HERC1: variants seen among roughly 807,000 people sequenced by gnomAD.
HERC1 encodes the protein HECT and RLD domain containing E3 ubiquitin protein ligase family member 1.
Under a neutral mutation model 554.3 loss-of-function variants are expected in HERC1, and 160 were observed. That is an observed-to-expected ratio of 0.29 (90% CI 0.25 to 0.33). The LOEUF (loss-of-function observed/expected upper bound fraction) is 0.33. Among genes scored for constraint, HERC1 ranks in the 10% least tolerant of loss-of-function variants. HERC1 has a pLI of 1.00. For synonymous variants in HERC1, 2,175 were observed against 2,131.7 expected (o/e 1.02, Z -0.56); for missense variants, 4,919 against 5,918.5 (o/e 0.83, Z 5.54).
In HERC1 at chr15:63,640,314, G is replaced by A; in HGVS notation, c.11739C>T (p.Leu3913=). ...TTGGATTCCAGGATGCAGGGTCAGGGAGACAGTTCTGGTGGTGTGGTGGCA... is the reference window on the plus strand; with the variant it reads ...TTGGATTCCAGGATGCAGGGTCAGGAAGACAGTTCTGGTGGTGTGGTGGCA... ...PPVPPHHQNC[L]PDPASWNPNE... The change falls in exon 61 of 78, where the codon CTC becomes CTT. Residue 3913 remains leucine, a synonymous_variant. Transcript: ENST00000443617. 5 of 1,613,576 alleles carry A rather than the reference G, an allele frequency of 3.1e-6. No individual in the cohort carries two copies. The highest frequency in any genetic ancestry group is 4.2e-6 in the Non-Finnish European group (5 of 1,179,756).
At chr15:63,731,898 A>AG (rs1166142527) in intron 14 of HERC1, among the ~76,000 whole-genome samples, 1 of 152,214 alleles carries the variant, frequency 6.6e-6, no homozygotes, top group Non-Finnish European at 1.5e-5. Context: ...AGATTGGTAG[A>AG]GAAAAACAAC....
intron 67 of HERC1, 96 bp downstream of exon 67, chr15:63,633,743 CTACCAAAAG>C: frequency 8.3e-7 from 1 of 1,206,810 alleles, no homozygotes; most frequent in South Asian, 1.7e-5. Context: ...TCATTATGAA[CTACCAAAAG>C]TACTAAAGGT....
At chr15:63,711,928 C>G (rs376723494) in intron 24 of HERC1, among the ~76,000 whole-genome samples, 9 of 152,282 alleles carry the variant, frequency 5.9e-5, no homozygotes, top group African/African-American at 2.2e-4. Flanking sequence ...ACCTAGCTAC[C>G]AATTAACTCC....
At chr15:63,617,785 C>T (rs1234393350) in intron 74 of HERC1, among the ~76,000 whole-genome samples, 1 of 152,060 alleles carries the variant, frequency 6.6e-6, no homozygotes, top group Non-Finnish European at 1.5e-5. Context: ...TTTCATGTGT[C>T]TTTTGGCTGC....
chr15:63,652,323 A>T, intron 52 of HERC1, 91 bp downstream of exon 52: 2 of 1,205,448 alleles, frequency 1.7e-6, no homozygotes, highest in East Asian at 2.8e-5. Context: ...AAAAAATTTT[A>T]GTGACAATAT....
rs535476112 is a variant in HERC1 at position 63,816,325 on chromosome 15, G to C, written c.-27+17502C>G. 2.0e-5 allele frequency among the ~76,000 whole-genome samples: 3 copies of C among 152,284 alleles called. No homozygotes were observed. In the East Asian group the frequency reaches 5.8e-4, roughly 29 times the overall value. ...GACTCCAGAGCCCTTTTGTCAAGGA[G>C]CCACATTGGGAAATGCTGCTGCTCC... On this transcript the variant is annotated intron_variant, in intron 1 of 77. Coordinates refer to ENST00000443617, the MANE Select transcript of HERC1 (RefSeq NM_003922.4).
At chr15:63,625,933 ACTGCTTACCAAGCCAGTCTGTGCCTGG>A (rs769386386) in intron 71 of HERC1, 25 bp downstream of exon 71, 4 of 1,558,872 alleles carry the variant, frequency 2.6e-6, no homozygotes, top group Admixed American at 1.9e-5. Context: ...TGTCACGGGC[ACTGCTTACCAAGCCAGTCTGTGCCTGG>A]CTGCTTACCA....
intron 34 of HERC1, among the ~76,000 whole-genome samples, chr15:63,684,279 A>G (rs2071630043): frequency 6.6e-6 from 1 of 152,238 alleles, no homozygotes; most frequent in Non-Finnish European, 1.5e-5. Flanking sequence ...AACAAGACAC[A>G]CCAATAAAGC....
At chr15:63,833,753 G>GCGCACACACACACACACACACACACACA (rs1340096449) in intron 1 of HERC1, 74 bp downstream of exon 1, 8 of 46,452 alleles carry the variant, frequency 1.7e-4, no homozygotes, top group African/African-American at 3.4e-4. Flanking sequence ...ACGCGCGCGC[G>GCGCACACACACACACACACACACACACA]CACACACACA....
chr15:63,698,647 G>T (rs1045382769), intron 26 of HERC1, 81 bp downstream of exon 26: 2 of 1,366,976 alleles, frequency 1.5e-6, no homozygotes, highest in African/African-American at 1.5e-5. Context: ...GAAAAGGAAA[G>T]GTTTTCCCTA....
At chr15:63,673,469 T>C (rs1316927708) in intron 38 of HERC1, among the ~76,000 whole-genome samples, 1 of 152,070 alleles carries the variant, frequency 6.6e-6, no homozygotes. Flanking sequence ...CAATATAAAC[T>C]CCATGAAGGC....
At chr15:63,693,351 C>G (rs892889937) in intron 30 of HERC1, among the ~76,000 whole-genome samples, 9 of 150,898 alleles carry the variant, frequency 6.0e-5, no homozygotes, top group Non-Finnish European at 1.3e-4. Flanking sequence ...TCAAGTGATT[C>G]TTGTGCTTTA....
At chr15:63,811,112 G>GA (rs1220822624) in intron 1 of HERC1, among the ~76,000 whole-genome samples, 1 of 151,820 alleles carries the variant, frequency 6.6e-6, no homozygotes, top group Non-Finnish European at 1.5e-5. Flanking sequence ...TCCTGGACCC[G>GA]AAAAAAACAA....
rs370056180 is a variant in HERC1, at chr15:63,675,116, A to C, written c.7072T>G (p.Phe2358Val). ...TCACTAGGCGACCAAAAAGTTGGGA[A>C]GCTTTAATAAAGATCAGAATGACAC... The part of the protein sequence containing the change: ...QWDEAEITIS[F>V]PTFWSPSDTP... The change falls in exon 38 of 78, where the codon TTC (phenylalanine) becomes GTC (valine). Residue 2358 changes from phenylalanine to valine, a missense_variant and splice_region_variant. Coordinates refer to ENST00000443617, the MANE Select transcript of HERC1 (RefSeq NM_003922.4). 4 of 1,580,360 alleles carry C rather than the reference A, an allele frequency of 2.5e-6. No individual in the cohort carries two copies. Among genetic ancestry groups the C allele is most frequent in the Non-Finnish European group, 3.4e-6 (4 of 1,162,088 alleles).
In HERC1 at chr15:63,706,819, T is replaced by C; in HGVS notation, c.4597A>G (p.Asn1533Asp). 6.5e-7 allele frequency: 1 copy of C among 1,541,536 alleles called. No homozygotes were observed. The highest frequency in any genetic ancestry group is 8.8e-7 in the Non-Finnish European group (1 of 1,139,036). ...EEGYALSGRR[N>D]VDLDLAASHR... is the part of the protein sequence containing the mutation. ...GATGCTGCCAAATCCAAATCAACAT[T>C]TCGTCTGCCACTCTATTAAAAGTAA... Residue 1533 changes from asparagine (N) to aspartate (D), a missense_variant, in exon 25 of 78, where the codon AAT (asparagine) becomes GAT (aspartate). Physicochemically the swap from Asn to Asp is conservative, Grantham distance 23. Coordinates refer to ENST00000443617, the MANE Select transcript of HERC1 (RefSeq NM_003922.4).
Position 63,733,097 on chromosome 15 carries a change from C to T in HERC1, c.2695G>A (p.Val899Ile). 2.5e-6 allele frequency: 4 copies of T among 1,613,802 alleles called. No homozygotes were observed. Among genetic ancestry groups the T allele is most frequent in the Non-Finnish European group, 3.4e-6 (4 of 1,179,778 alleles). The change falls in exon 14 of 78, where the codon GTA (valine) becomes ATA (isoleucine). Residue 899 changes from valine to isoleucine, a missense_variant. By Grantham distance (29) the Val-to-Ile change is conservative. This residue lies in a region of HERC1 where 744 missense variants were observed against 1,090.0 expected (regional missense o/e 0.68). Transcript: ENST00000443617. ...GAACTATAGCCAAGTAGGGAGGCTA[C>T]GTGGGTATGATCTTGCAAACTTGTC... ...ILTSLQDHTH[V>I]ASLLGYSSPS... is the part of the protein sequence containing the mutation.
rs768118975 is a variant in HERC1, at chr15:63,749,507, T to G, written c.2079A>C (p.Ser693=). The change falls in exon 10 of 78, where the codon TCA becomes TCC. Residue 693 remains serine (S), a synonymous_variant. Coordinates refer to ENST00000443617, the MANE Select transcript of HERC1 (RefSeq NM_003922.4). The surrounding 1 kb of genome is among the most constrained non-coding windows in gnomAD (Gnocchi z 4.1). ...AATTTCCCTGACCACATTGCCCCAT[T>G]GAGTTATTGCCCCAGGCATAAACTT... ...DNEVYAWGNN[S]MGQCGQGNST... The G allele has an allele frequency of 3.1e-6, 5 of 1,612,724 alleles. No homozygotes were observed. The highest frequency in any genetic ancestry group is 4.2e-6 in the Non-Finnish European group (5 of 1,179,360).
intron 62 of HERC1, 32 bp from the exon 63 acceptor site, chr15:63,638,568 T>C (rs1388023797): frequency 6.2e-7 from 1 of 1,613,296 alleles, no homozygotes; most frequent in African/African-American, 1.3e-5. Context: ...AAAATTAGAG[T>C]CATCCATTCA....
chr15:63,661,864 C>G lies in HERC1; in HGVS notation c.9059G>C (p.Gly3020Ala). The G allele has an allele frequency of 6.2e-7, 1 of 1,614,030 alleles. No homozygotes were observed. Among genetic ancestry groups the G allele is most frequent in the Non-Finnish European group, 8.5e-7 (1 of 1,179,892 alleles). ...GYRSNGSYVD[G>A]WFGGECGSGN... ...ACTCCCACATTCACCGCCAAACCAG[C>G]CATCCACATAGGAACCATTGCTGCG... The change falls in exon 45 of 78, where the codon GGC becomes GCC. Residue 3020 changes from glycine (G) to alanine (A), a missense_variant. Transcript: ENST00000443617.
Sources: gnomAD v4.1 joint callset for allele counts (sites outside exome capture counted in the v4.1 genomes callset) on GRCh38, gnomAD v4.1.1 for gene constraint, gnomAD v4.1.1 regional missense constraint, Gnocchi (gnomAD v3.1) non-coding constraint, MANE v1.5 for transcripts, NCBI Gene and HGNC (gene_info 2026-07-23, HGNC 2026-07-21) for gene names.